The following HTRA3 variants were observed in gnomAD, a reference collection of about 807,000 sequenced individuals.
The protein encoded by HTRA3 is HtrA serine peptidase 3, also known as serine protease HTRA3.
HTRA3 carries 41 observed loss-of-function variants against 43.2 expected under a neutral mutation model. The ratio of observed to expected loss-of-function variants is 0.95; its 90% CI spans 0.74 to 1.23. HTRA3 has a LOEUF of 1.23. HTRA3 is among the 50% of genes most tolerant of loss of function. The pLI is 0.00. For missense variants in HTRA3, 628 were observed against 647.1 expected (o/e 0.97, Z 0.32); for synonymous variants, 295 against 287.9 (o/e 1.02, Z -0.25).
chr4:8,288,574 C>T (rs1265500463), intron 3 of HTRA3, among the ~76,000 whole-genome samples: 1 of 132,556 alleles, frequency 7.5e-6, no homozygotes, highest in African/African-American at 2.8e-5. Context: ...CGTGCCTAGC[C>T]TTTTTTTTTT....
intron 6 of HTRA3, 146 bp from the exon 7 acceptor site, chr4:8,302,317 G>T: frequency 5.5e-6 from 4 of 726,834 alleles, no homozygotes; most frequent in East Asian, 5.2e-5. Context: ...TTGCTGGACC[G>T]CAGGGGGACT....
chr4:8,297,709 G>A lies in HTRA3; in HGVS notation c.1051+3508G>A, dbSNP rs1713502596. Reference sequence around the variant, plus strand: ...TGGGAAGGGCCCATGTCCCAGGTGGGCTGTGCAGGTCCTGTCGAGGATCCC... The same window carrying A: ...TGGGAAGGGCCCATGTCCCAGGTGGACTGTGCAGGTCCTGTCGAGGATCCC... On this transcript the variant is annotated intron_variant, in intron 6 of 8. Transcript: ENST00000307358. This position sits in a 1 kb window ranked among gnomAD's most constrained non-coding sequence, Gnocchi z 5.8. Among the ~76,000 whole-genome samples, 1 of 152,086 alleles carries A rather than the reference G, an allele frequency of 6.6e-6. No individual in the cohort carries two copies. The highest frequency in any genetic ancestry group is 1.5e-5 in the Non-Finnish European group (1 of 68,010).
chr4:8,285,116 C>T (rs746831612), intron 2 of HTRA3, among the ~76,000 whole-genome samples: 4 of 152,156 alleles, frequency 2.6e-5, no homozygotes, highest in Non-Finnish European at 5.9e-5. Context: ...ATCTCATGGC[C>T]TTCCCCTCTG....
rs570971945 is a variant in HTRA3 at position 8,286,270 on chromosome 4, C to T, written c.486-291C>T. Among the ~76,000 whole-genome samples the T allele has an allele frequency of 1.3e-5, 2 of 152,248 alleles. No homozygotes were observed. Among genetic ancestry groups the T allele is most frequent in the South Asian group, 2.1e-4 (1 of 4,826 alleles). On this transcript the variant is annotated intron_variant, in intron 2 of 8. Transcript: ENST00000307358. The surrounding 1 kb of genome is among the most constrained non-coding windows in gnomAD (Gnocchi z 4.9). ...GCTCCGTGCTCCGTAGTCAGGATGG[C>T]GAGTGCAAGCTGGGAGTCATCTGAC... is the stretch of plus-strand genomic sequence containing the variant.
Position 8,306,070 on chromosome 4 carries a change from C to T in HTRA3, c.1296C>T (p.Leu432=). The T allele has an allele frequency of 2.5e-6, 4 of 1,611,788 alleles. No individual in the cohort carries two copies. Among genetic ancestry groups the T allele is most frequent in the Non-Finnish European group, 3.4e-6 (4 of 1,178,568 alleles). The change falls in exon 9 of 9, where the codon CTC becomes CTT. Residue 432 remains leucine, a synonymous_variant. Transcript: ENST00000307358. The surrounding 1 kb of genome is among the most constrained non-coding windows in gnomAD (Gnocchi z 8.9). ...LQEAVLTESP[L]LLEVRRGNDD... ...AGGCCGTGCTGACCGAGTCTCCTCT[C>T]CTACTGGAGGTGCGGCGGGGGAACG...
chr4:8,293,470 G>C (rs1286536459), intron 5 of HTRA3, among the ~76,000 whole-genome samples: 2 of 152,162 alleles, frequency 1.3e-5, no homozygotes, highest in Admixed American at 6.5e-5. Flanking sequence ...CTGGTGAGCT[G>C]GCCAGGCCCT....
intron 6 of HTRA3, 137 bp downstream of exon 6, chr4:8,294,338 T>C (rs1217393308): frequency 1.2e-5 from 7 of 595,122 alleles, no homozygotes; most frequent in Non-Finnish European, 2.9e-6. Context: ...AGGTCCTGTC[T>C]GCCCACCCCA....
chr4:8,273,166 GC>G (rs1712364789), intron 1 of HTRA3, among the ~76,000 whole-genome samples: 1 of 152,256 alleles, frequency 6.6e-6, no homozygotes, highest in Admixed American at 6.5e-5. Context: ...GGCTTTGCAG[GC>G]TATGCTCTGT....
intron 1 of HTRA3, among the ~76,000 whole-genome samples, chr4:8,274,842 C>T (rs1417296545): frequency 6.6e-6 from 1 of 152,214 alleles, no homozygotes; most frequent in Non-Finnish European, 1.5e-5. Context: ...GAGCAGTTTA[C>T]AAGGTGGCAT....
intron 6 of HTRA3, among the ~76,000 whole-genome samples, chr4:8,302,076 GTGA>G (rs1437772291): frequency 6.6e-6 from 1 of 152,170 alleles, no homozygotes; most frequent in African/African-American, 2.4e-5. Flanking sequence ...CCAGTGGGAG[GTGA>G]TGAGTTCAGT....
At chr4:8,291,335 C>T in intron 3 of HTRA3, 35 bp from the exon 4 acceptor site, 2 of 1,585,096 alleles carry the variant, frequency 1.3e-6, no homozygotes, top group Non-Finnish European at 1.7e-6. Flanking sequence ...GACGGCTAAG[C>T]CTCCCTCTCT....
chr4:8,302,317 G>A (rs967800744), intron 6 of HTRA3, 146 bp from the exon 7 acceptor site: 42 of 726,714 alleles, frequency 5.8e-5, no homozygotes, highest in East Asian at 1.0e-4. Flanking sequence ...TTGCTGGACC[G>A]CAGGGGGACT....
chr4:8,282,323 A>G (rs1712780564), intron 1 of HTRA3, 114 bp from the exon 2 acceptor site: 1 of 810,748 alleles, frequency 1.2e-6, no homozygotes, highest in East Asian at 2.7e-5. Context: ...CTGGCTCTGA[A>G]CTGGGACAGG....
chr4:8,303,977 C>T (rs745650726), intron 7 of HTRA3, among the ~76,000 whole-genome samples: 7 of 152,204 alleles, frequency 4.6e-5, no homozygotes, highest in Non-Finnish European at 8.8e-5. Flanking sequence ...CCTCTCTTCA[C>T]GCTTCTAACC....
In HTRA3 at chr4:8,286,115, G is replaced by A. The variant is rs184247544; in HGVS notation, c.486-446G>A. 2.0e-5 allele frequency among the ~76,000 whole-genome samples: 3 copies of A among 152,284 alleles called. No homozygotes were observed. Among genetic ancestry groups the A allele is most frequent in the East Asian group, 1.9e-4 (1 of 5,170 alleles). ...TTTTAGAGCCCAGGCATCACCACTC[G>A]GCGGAGGAGGTGTTGTTGTCCCATT... On this transcript the variant is annotated intron_variant, in intron 2 of 8. Transcript: ENST00000307358. This position sits in a 1 kb window ranked among gnomAD's most constrained non-coding sequence, Gnocchi z 4.9.
chr4:8,304,301 C>T (rs4696801), intron 8 of HTRA3, 22 bp downstream of exon 8: 490,542 of 1,599,982 alleles, frequency 0.31, 80,407 homozygotes, highest in East Asian at 0.64. Flanking sequence ...CAGAGGAGAT[C>T]GCTCGAGGCA....
intron 6 of HTRA3, among the ~76,000 whole-genome samples, chr4:8,299,638 A>T (rs1713568955): frequency 6.6e-6 from 1 of 152,166 alleles, no homozygotes; most frequent in African/African-American, 2.4e-5. Flanking sequence ...CTCAGGTTGA[A>T]AAGTTCCCTT....
chr4:8,273,373 G>A lies in HTRA3; in HGVS notation c.385+3020G>A, dbSNP rs368328900. On this transcript the variant is annotated intron_variant, in intron 1 of 8. Transcript: ENST00000307358. ...ACTTAGTGGTGTGCCAGGCGCTGCC[G>A]GGCATTTCTGGGAGGAAGTCCTGCC... Among the ~76,000 whole-genome samples, 202 of 152,222 alleles carry A rather than the reference G, an allele frequency of 1.3e-3. 6 individuals carry two copies. The South Asian group carries it at 0.032, about 24-fold the overall frequency.
Position 8,296,316 on chromosome 4 carries a change from C to T in HTRA3, c.1051+2115C>T. On this transcript the variant is annotated intron_variant, in intron 6 of 8. Coordinates refer to ENST00000307358, the MANE Select transcript of HTRA3 (RefSeq NM_053044.5). The surrounding 1 kb of genome is among the most constrained non-coding windows in gnomAD (Gnocchi z 5.3). ...GAACCCCCTGGGAAATATCCCCTGTCCTCAGAGCTGTGTCCCCTCCCCAAG... is the reference window on the plus strand; with the variant it reads ...GAACCCCCTGGGAAATATCCCCTGTTCTCAGAGCTGTGTCCCCTCCCCAAG... The T allele has an allele frequency of 1.0e-6, 1 of 985,484 alleles. No homozygotes were observed. The highest frequency in any genetic ancestry group is 1.2e-6 in the Non-Finnish European group (1 of 829,984). 61.0% of individuals were successfully genotyped at this position (985,484 alleles called of 1,614,324 possible). A position where few individuals can be genotyped will look rare whatever the true frequency, so the allele number is the denominator to read the frequency against.
Sources: gnomAD v4.1 joint callset for allele counts (sites outside exome capture counted in the v4.1 genomes callset) on GRCh38, gnomAD v4.1.1 for gene constraint, Gnocchi (gnomAD v3.1) non-coding constraint, MANE v1.5 for transcripts, NCBI Gene and HGNC (gene_info 2026-07-23, HGNC 2026-07-21) for gene names.